KCNG1: variants seen among roughly 807,000 people sequenced by gnomAD.
KCNG1 encodes the protein voltage-gated potassium channel regulatory subunit KCNG1.
A neutral mutation model predicts 32.4 loss-of-function variants in KCNG1; 17 were observed. The observed-to-expected ratio is 0.52, with a 90% CI of 0.36 to 0.79. The LOEUF (loss-of-function observed/expected upper bound fraction) is 0.79, where lower values mean the gene tolerates loss of function less well. Ranked by LOEUF, KCNG1 falls within the 30% of genes least tolerant of loss-of-function variation. The pLI is 0.00. For missense variants in KCNG1, 441 were observed against 735.2 expected (o/e 0.60, Z 4.63); for synonymous variants, 358 against 339.9 (o/e 1.05, Z -0.59).
intron 1 of KCNG1, among the ~76,000 whole-genome samples, chr20:51,020,883 G>A (rs1015080410): frequency 4.6e-5 from 7 of 152,214 alleles, no homozygotes; most frequent in African/African-American, 1.7e-4. Context: ...GAGCCCAGCT[G>A]TGGGTCTGGT....
intron 1 of KCNG1, among the ~76,000 whole-genome samples, chr20:51,017,270 C>T (rs1988313505): frequency 6.6e-6 from 1 of 152,212 alleles, no homozygotes; most frequent in Admixed American, 6.5e-5. Context: ...TTTAGCAACA[C>T]ATTTAGGTCT....
rs1340432594 is a variant in KCNG1, at chr20:51,005,038, C to T, written c.775-232G>A. On this transcript the variant is annotated intron_variant, in intron 2 of 2. Transcript: ENST00000371571. The surrounding 1 kb of genome is among the most constrained non-coding windows in gnomAD (Gnocchi z 4.0). ...CTCCAGCCCCCACCTCAGCCCTGAA[C>T]TCCAGACCCCCAACAGGCTGCCTCC... 9.4e-6 allele frequency: 4 copies of T among 424,578 alleles called. No individual in the cohort carries two copies. The East Asian group carries it at 1.1e-4, about 12-fold the overall frequency. 26.3% of individuals were successfully genotyped at this position (424,578 alleles called of 1,614,324 possible). A position where few individuals can be genotyped will look rare whatever the true frequency, so the allele number is the denominator to read the frequency against.
chr20:51,010,927 C>CA (rs978296613), intron 1 of KCNG1, among the ~76,000 whole-genome samples: 5 of 8,702 alleles, frequency 5.7e-4, no homozygotes, highest in South Asian at 0.011. Flanking sequence ...CAAAACAAAA[C>CA]AAAAAAAAAA....
Position 51,009,942 on chromosome 20 carries a change from C to G in KCNG1, c.397G>C (p.Ala133Pro). The G allele has an allele frequency of 6.2e-7, 1 of 1,613,880 alleles. No homozygotes were observed. Among genetic ancestry groups the G allele is most frequent in the South Asian group, 1.1e-5 (1 of 91,092 alleles). The stretch of plus-strand genomic sequence containing the variant: ...TCGCGCAGCAGCCGCAGCTTGCCCG[C>G]GCGCAGGAAGGTCAGGATAGTGCCG... ...AFGTILTFLR[A>P]GKLRLLREMC... is the part of the protein sequence containing the mutation. The change falls in exon 2 of 3, where the codon GCG becomes CCG. Residue 133 changes from alanine to proline, a missense_variant. Ala to Pro is a conservative substitution (Grantham distance 27). This residue lies in a region of KCNG1 where 70 missense variants were observed against 158.4 expected (regional missense o/e 0.44). Transcript: ENST00000371571.
chr20:51,015,297 AG>A lies in KCNG1; in HGVS notation c.-26-4934del, dbSNP rs1988238386. 6.6e-6 allele frequency among the ~76,000 whole-genome samples: 1 copy of A among 152,120 alleles called. No individual in the cohort carries two copies. The highest frequency in any genetic ancestry group is 2.4e-5 in the African/African-American group (1 of 41,418). The stretch of plus-strand genomic sequence containing the variant: ...AGGATTCCAGGGGTGCCATTTACCG[AG>A]GCGACGGATAGGTGGCGCTATGGTG... On this transcript the variant is annotated intron_variant, in intron 1 of 2. Transcript: ENST00000371571. This position sits in a 1 kb window ranked among gnomAD's most constrained non-coding sequence, Gnocchi z 4.4.
At chr20:51,022,537 G>A (rs1197526335) in intron 1 of KCNG1, 1 of 152,234 alleles carries the variant, frequency 6.6e-6, no homozygotes, top group Non-Finnish European at 1.5e-5. Context: ...CCCAGGATCG[G>A]GGGAGAAACC....
At chr20:51,017,794 C>A (rs1261777180) in intron 1 of KCNG1, among the ~76,000 whole-genome samples, 5 of 152,034 alleles carry the variant, frequency 3.3e-5, no homozygotes, top group Non-Finnish European at 7.4e-5. Context: ...TGGGCTTTCA[C>A]CTGGACTCCC....
chr20:51,017,840 G>A (rs1225927770), intron 1 of KCNG1, among the ~76,000 whole-genome samples: 2 of 152,172 alleles, frequency 1.3e-5, no homozygotes, highest in East Asian at 3.9e-4. Context: ...GGCTCTGGAA[G>A]GCTGTGAGTC....
At chr20:51,019,692 A>G (rs1988401500) in intron 1 of KCNG1, among the ~76,000 whole-genome samples, 1 of 151,284 alleles carries the variant, frequency 6.6e-6, no homozygotes, top group African/African-American at 2.4e-5. Context: ...AACCTGTGCC[A>G]TTCCCTCACT....
At position 51,005,018 on chromosome 20, in the gene KCNG1, G is replaced by C. The variant is rs771994760; in HGVS notation, c.775-212C>G. The C allele has an allele frequency of 1.5e-5, 7 of 476,910 alleles. No individual in the cohort carries two copies. Among genetic ancestry groups the C allele is most frequent in the Non-Finnish European group, 2.2e-5 (6 of 275,074 alleles). The allele number at this position is 476,910 out of a possible 1,614,324, so 29.5% of individuals were successfully genotyped here. On this transcript the variant is annotated intron_variant, in intron 2 of 2. Coordinates refer to ENST00000371571, the MANE Select transcript of KCNG1 (RefSeq NM_002237.4). The surrounding 1 kb of genome is among the most constrained non-coding windows in gnomAD (Gnocchi z 4.0). Reference sequence around the variant, plus strand: ...TGGCCGCTCCTCATCTCTCTCTCCAGCCCCCACCTCAGCCCTGAACTCCAG... The same window carrying C: ...TGGCCGCTCCTCATCTCTCTCTCCACCCCCCACCTCAGCCCTGAACTCCAG...
chr20:51,020,396 G>A (rs1988435065), intron 1 of KCNG1, among the ~76,000 whole-genome samples: 1 of 152,138 alleles, frequency 6.6e-6, no homozygotes, highest in South Asian at 2.1e-4. Context: ...GCCCGGGGAG[G>A]TGTGGGTATG....
intron 1 of KCNG1, 138 bp from the exon 2 acceptor site, chr20:51,010,502 A>G: frequency 3.1e-6 from 2 of 639,500 alleles, no homozygotes; most frequent in South Asian, 4.5e-5. Flanking sequence ...CCTAGCCCTC[A>G]ATGGGATGGT....
intron 1 of KCNG1, among the ~76,000 whole-genome samples, chr20:51,020,219 G>A (rs1988427752): frequency 6.6e-6 from 1 of 152,202 alleles, no homozygotes; most frequent in African/African-American, 2.4e-5. Context: ...CTTCTTCTAC[G>A]GGGAGGTGTT....
intron 1 of KCNG1, among the ~76,000 whole-genome samples, chr20:51,021,632 T>C (rs1429151452): frequency 6.6e-6 from 1 of 152,130 alleles, no homozygotes; most frequent in African/African-American, 2.4e-5. Flanking sequence ...CCCCTGTACT[T>C]ATCTCAGGGA....
At chr20:51,020,636 T>A (rs1988445622) in intron 1 of KCNG1, among the ~76,000 whole-genome samples, 2 of 152,154 alleles carry the variant, frequency 1.3e-5, no homozygotes, top group Non-Finnish European at 2.9e-5. Context: ...GCTCCATTTC[T>A]GGGCTTAATG....
intron 1 of KCNG1, among the ~76,000 whole-genome samples, chr20:51,020,811 T>G (rs1012448159): frequency 1.3e-5 from 2 of 152,150 alleles, no homozygotes; most frequent in Non-Finnish European, 2.9e-5. Flanking sequence ...CGCTTAGCCC[T>G]GCATCCAGCA....
At chr20:51,018,916 C>G (rs1988373821) in intron 1 of KCNG1, among the ~76,000 whole-genome samples, 1 of 152,102 alleles carries the variant, frequency 6.6e-6, no homozygotes. Context: ...GAGTCAGGGA[C>G]TGGGTTTCTA....
intron 1 of KCNG1, among the ~76,000 whole-genome samples, chr20:51,019,896 C>T (rs1161084957): frequency 6.6e-6 from 1 of 152,200 alleles, no homozygotes; most frequent in African/African-American, 2.4e-5. Flanking sequence ...TAGCCTGGCC[C>T]GGGTCCTGGC....
intron 1 of KCNG1, among the ~76,000 whole-genome samples, chr20:51,020,143 G>A (rs372335120): frequency 1.3e-5 from 2 of 152,186 alleles, no homozygotes; most frequent in African/African-American, 4.8e-5. Flanking sequence ...AAGACAGGCT[G>A]CCTCGGGAGC....
Sources: allele counts gnomAD v4.1 joint callset (sites outside exome capture counted in the v4.1 genomes callset), GRCh38; gene constraint gnomAD v4.1.1; regional missense constraint gnomAD v4.1.1; non-coding constraint Gnocchi (gnomAD v3.1); transcripts MANE v1.5; gene names NCBI Gene and HGNC (gene_info 2026-07-23, HGNC 2026-07-21).